The following MAP3K9 variants were observed in gnomAD, a reference collection of about 807,000 sequenced individuals.
MAP3K9 encodes mitogen-activated protein kinase kinase kinase 9, also known as mixed lineage kinase 1 (tyr and ser/thr specificity).
In MAP3K9, 46 loss-of-function variants were observed where a neutral mutation model predicts 95.8. That is an observed-to-expected ratio of 0.48 (90% CI 0.38 to 0.61). MAP3K9 has a LOEUF of 0.61. Among genes scored for constraint, MAP3K9 ranks in the 20% least tolerant of loss-of-function variants. MAP3K9 has a pLI of 0.00. For synonymous variants in MAP3K9, 533 were observed against 593.8 expected (o/e 0.90, Z 1.49); for missense variants, 1,296 against 1,474.3 (o/e 0.88, Z 1.98).
chr14:70,734,784 G>A (rs2053961355), intron 9 of MAP3K9, among the ~76,000 whole-genome samples: 1 of 152,222 alleles, frequency 6.6e-6, no homozygotes, highest in Non-Finnish European at 1.5e-5. Context: ...AAAGAATAAG[G>A]ATGGCCCTGC....
chr14:70,735,962 C>G lies in MAP3K9; in HGVS notation c.1912G>C (p.Gly638Arg). The change falls in exon 9 of 12, where the codon GGC becomes CGC. Residue 638 changes from glycine to arginine, a missense_variant and splice_region_variant. Physicochemically the swap from Gly to Arg is moderately radical, Grantham distance 125. Around this residue, in one of 5 missense-constraint regions of MAP3K9, gnomAD observed 377 missense variants for 417.1 expected, o/e 0.90. Coordinates refer to ENST00000554752, the MANE Select transcript of MAP3K9 (RefSeq NM_001284230.2). ...TGAAAGGGTGAAGATGAGACTCACC[C>G]CAAGTGGAAATGTGGAGATTCTGAT... The part of the protein sequence containing the change: ...TPSESPHFHL[G>R]LKSLVDGYKQ... 1 of 1,611,210 alleles carries G rather than the reference C, an allele frequency of 6.2e-7. No individual in the cohort carries two copies. The highest frequency in any genetic ancestry group is 8.5e-7 in the Non-Finnish European group (1 of 1,177,402).
intron 3 of MAP3K9, among the ~76,000 whole-genome samples, chr14:70,753,301 A>C (rs1256932492): frequency 6.6e-6 from 1 of 152,220 alleles, no homozygotes; most frequent in East Asian, 1.9e-4. Flanking sequence ...GCTTATGTAG[A>C]GCTACAGTGT....
chr14:70,739,195 T>A (rs2054029887), intron 7 of MAP3K9, among the ~76,000 whole-genome samples: 1 of 152,228 alleles, frequency 6.6e-6, no homozygotes, highest in African/African-American at 2.4e-5. Context: ...AGTGGCGCAA[T>A]CTTGGCTCAC....
At chr14:70,762,307 A>G (rs991292883) in intron 2 of MAP3K9, among the ~76,000 whole-genome samples, 2 of 152,150 alleles carry the variant, frequency 1.3e-5, no homozygotes, top group African/African-American at 2.4e-5. Flanking sequence ...TTTTGAAGGA[A>G]CCACCAAATT....
chr14:70,792,148 C>T (rs1042473764), intron 2 of MAP3K9, among the ~76,000 whole-genome samples: 6 of 152,202 alleles, frequency 3.9e-5, no homozygotes, highest in African/African-American at 7.2e-5. Context: ...TCATAGGAAA[C>T]GCTACCCATC....
chr14:70,734,537 A>G, intron 9 of MAP3K9, 39 bp from the exon 10 acceptor site: 1 of 1,201,450 alleles, frequency 8.3e-7, no homozygotes. Context: ...AGAACTGGTT[A>G]CCTTTCTTAC....
At chr14:70,769,347 C>T (rs1175759080) in intron 2 of MAP3K9, among the ~76,000 whole-genome samples, 1 of 152,248 alleles carries the variant, frequency 6.6e-6, no homozygotes, top group African/African-American at 2.4e-5. Context: ...CCCTAAACAT[C>T]TGACAACCGT....
At chr14:70,748,001 G>A (rs921427605) in intron 5 of MAP3K9, among the ~76,000 whole-genome samples, 5 of 110,912 alleles carry the variant, frequency 4.5e-5, no homozygotes, top group East Asian at 2.6e-4. Context: ...CCAGCTACTC[G>A]GGAGGCTGAG....
At chr14:70,764,270 T>C (rs1262710534) in intron 2 of MAP3K9, among the ~76,000 whole-genome samples, 2 of 150,716 alleles carry the variant, frequency 1.3e-5, no homozygotes, top group African/African-American at 4.9e-5. Context: ...AAGGCATTGT[T>C]ATTATAGGAG....
chr14:70,726,608 G>C lies in MAP3K9; in HGVS notation c.*3772C>G, dbSNP rs974263925. On this transcript the variant is annotated 3_prime_UTR_variant, in exon 12 of 12. Coordinates refer to ENST00000554752, the MANE Select transcript of MAP3K9 (RefSeq NM_001284230.2). ...TTAAGTGGGGGAATTAGGAAAGAAT[G>C]CTTGTCAACACCAGATGCTATATAA... 2.0e-5 allele frequency: 3 copies of C among 152,280 alleles called. No individual in the cohort carries two copies. Among genetic ancestry groups the C allele is most frequent in the Non-Finnish European group, 2.9e-5 (2 of 68,076 alleles). 9.4% of individuals were successfully genotyped at this position (152,280 alleles called of 1,614,324 possible).
intron 2 of MAP3K9, among the ~76,000 whole-genome samples, chr14:70,763,182 T>C (rs745970490): frequency 2.6e-5 from 4 of 152,264 alleles, no homozygotes; most frequent in South Asian, 2.1e-4. Flanking sequence ...AAGAATGTTT[T>C]ATCAAATTTT....
At chr14:70,756,696 A>T (rs1009680865) in intron 3 of MAP3K9, among the ~76,000 whole-genome samples, 1 of 152,216 alleles carries the variant, frequency 6.6e-6, no homozygotes, top group Non-Finnish European at 1.5e-5. Context: ...CAATTTAACC[A>T]TTCGGTCAAG....
chr14:70,769,024 C>T (rs1392707321), intron 2 of MAP3K9, among the ~76,000 whole-genome samples: 3 of 152,212 alleles, frequency 2.0e-5, no homozygotes, highest in South Asian at 4.2e-4. Context: ...TAGGAGAGTA[C>T]ATTAAAATGT....
chr14:70,732,654 G>C lies in MAP3K9; in HGVS notation c.2715C>G (p.Thr905=), dbSNP rs61749081. The C allele has an allele frequency of 2.6e-4, 415 of 1,605,156 alleles. No homozygotes were observed. The highest frequency in any genetic ancestry group is 3.4e-4 in the Non-Finnish European group (396 of 1,174,948). ...GCCGGTGACTGCTGGGCTGCGAGGG[G>C]GTGGTGAGGGTGACATGGGTGGGAG... ...SLTPTHVTLT[T]PSQPSSHRRT... is the part of the protein sequence containing the mutation. The change falls in exon 11 of 12, where the codon ACC becomes ACG. Residue 905 remains threonine (T), a synonymous_variant. Transcript: ENST00000554752.
chr14:70,778,686 G>A (rs1011156369), intron 2 of MAP3K9, among the ~76,000 whole-genome samples: 15 of 152,142 alleles, frequency 9.9e-5, no homozygotes, highest in Non-Finnish European at 1.9e-4. Context: ...AGCATTTTAC[G>A]TGCAGTACTT....
intron 2 of MAP3K9, among the ~76,000 whole-genome samples, chr14:70,793,134 G>A (rs909440206): frequency 1.3e-5 from 2 of 152,226 alleles, no homozygotes; most frequent in Non-Finnish European, 2.9e-5. Context: ...AACAGACTGG[G>A]AGTAGACCCG....
chr14:70,774,395 G>A (rs2054568716), intron 2 of MAP3K9, among the ~76,000 whole-genome samples: 1 of 152,222 alleles, frequency 6.6e-6, no homozygotes, highest in African/African-American at 2.4e-5. Flanking sequence ...GCTGGGCGCG[G>A]TGGCTCACGC....
chr14:70,801,617 G>T (rs7150824), intron 1 of MAP3K9, among the ~76,000 whole-genome samples: 7 of 152,320 alleles, frequency 4.6e-5, no homozygotes, highest in African/African-American at 1.7e-4. Flanking sequence ...ACCCAACTCA[G>T]TGCCAAGGCA....
intron 3 of MAP3K9, among the ~76,000 whole-genome samples, chr14:70,750,774 A>T (rs1051477381): frequency 3.3e-5 from 5 of 152,182 alleles, no homozygotes; most frequent in Non-Finnish European, 1.5e-5. Context: ...GGCGTGAGCC[A>T]CCACACCTGG....
Sources: allele counts gnomAD v4.1 joint callset (sites outside exome capture counted in the v4.1 genomes callset), GRCh38; gene constraint gnomAD v4.1.1; regional missense constraint gnomAD v4.1.1; transcripts MANE v1.5; gene names NCBI Gene and HGNC (gene_info 2026-07-23, HGNC 2026-07-21).